PCDHGA9: variants seen among roughly 807,000 people sequenced by gnomAD.
The protein encoded by PCDHGA9 is protocadherin gamma subfamily A, 9.
PCDHGA9 carries 37 observed loss-of-function variants against 62.5 expected under a neutral mutation model. That is an observed-to-expected ratio of 0.59 (90% CI 0.46 to 0.78). The LOEUF (loss-of-function observed/expected upper bound fraction) is 0.78. Ranked by LOEUF, PCDHGA9 falls within the 30% of genes least tolerant of loss-of-function variation. The probability of loss-of-function intolerance (pLI) is 0.00; values close to 1 mark genes in which losing one functional copy is unlikely to be tolerated. For missense variants in PCDHGA9, 1,138 were observed against 1,166.2 expected (o/e 0.98, Z 0.35); for synonymous variants, 459 against 484.6 (o/e 0.95, Z 0.69).
chr5:141,485,065 A>G lies in PCDHGA9; in HGVS notation c.2425-9742A>G, dbSNP rs527439590. On this transcript the variant is annotated intron_variant, in intron 1 of 3. Transcript: ENST00000573521. The surrounding 1 kb of genome is among the most constrained non-coding windows in gnomAD (Gnocchi z 5.7). ...TGCGGCGCCGGCCGAACCGCGCCAG[A>G]GCTGGCGCGGGGAAAGGGAGATAGG... The G allele has an allele frequency of 4.2e-5, 37 of 877,696 alleles. No individual in the cohort carries two copies. Among genetic ancestry groups the G allele is most frequent in the Non-Finnish European group, 6.5e-5 (36 of 552,826 alleles). The allele number at this position is 877,696 out of a possible 1,614,324, so 54.4% of individuals were successfully genotyped here. A position where few individuals can be genotyped will look rare whatever the true frequency, so the allele number is the denominator to read the frequency against.
Position 141,491,508 on chromosome 5 carries a change from G to A in PCDHGA9, c.2425-3299G>A. The A allele has an allele frequency of 6.2e-7, 1 of 1,614,030 alleles. No individual in the cohort carries two copies. The highest frequency in any genetic ancestry group is 8.5e-7 in the Non-Finnish European group (1 of 1,180,014). The stretch of plus-strand genomic sequence containing the variant: ...ACCTGCAGGTGAGCTCGGACGGCAC[G>A]CTCAAGTACATGGAGGTGACGCTGC... On this transcript the variant is annotated intron_variant, in intron 1 of 3. Transcript: ENST00000573521. This position sits in a 1 kb window ranked among gnomAD's most constrained non-coding sequence, Gnocchi z 6.9.
At chr5:141,419,877 C>T in intron 1 of PCDHGA9, 3 of 1,614,062 alleles carry the variant, frequency 1.9e-6, no homozygotes, top group Non-Finnish European at 8.5e-7. Flanking sequence ...GAGGTACTGC[C>T]GGATTTCAGC....
chr5:141,487,921 A>G lies in PCDHGA9; in HGVS notation c.2425-6886A>G, dbSNP rs17097340. On this transcript the variant is annotated intron_variant, in intron 1 of 3. Coordinates refer to ENST00000573521, the MANE Select transcript of PCDHGA9 (RefSeq NM_018921.3). This position sits in a 1 kb window ranked among gnomAD's most constrained non-coding sequence, Gnocchi z 5.0. ...GGAATGTGGGAGCACAGGAGGCTAC[A>G]GTGCACAGGGTACAGTGCACCAGGC... 0.15 allele frequency: 93,556 copies of G among 639,124 alleles called. 7,160 individuals carry two copies. The highest frequency in any genetic ancestry group is 0.21 in the African/African-American group (11,270 of 54,532). 39.6% of individuals were successfully genotyped at this position (639,124 alleles called of 1,614,324 possible).
At chr5:141,461,170 G>T (rs1347666737) in intron 1 of PCDHGA9, among the ~76,000 whole-genome samples, 1 of 152,052 alleles carries the variant, frequency 6.6e-6, no homozygotes. Context: ...GGGATTGCTG[G>T]ATTGAATGGT....
intron 2 of PCDHGA9, among the ~76,000 whole-genome samples, chr5:141,503,458 G>A (rs948221006): frequency 2.0e-5 from 3 of 152,018 alleles, no homozygotes; most frequent in Non-Finnish European, 4.4e-5. Flanking sequence ...CGCTGGGCAT[G>A]GTGGCATGTG....
At chr5:141,433,363 CTA>C (rs2097590674) in intron 1 of PCDHGA9, 2 of 463,314 alleles carry the variant, frequency 4.3e-6, no homozygotes, top group African/African-American at 5.6e-5. Flanking sequence ...GTCTGCCTAT[CTA>C]TCTATCTATC....
At chr5:141,418,904 A>C (rs2096300166) in intron 1 of PCDHGA9, 1 of 1,613,998 alleles carries the variant, frequency 6.2e-7, no homozygotes, top group Admixed American at 1.7e-5. Context: ...AGAAATAATC[A>C]TCACGTCACT....
In PCDHGA9 at chr5:141,489,584, A is replaced by G. The variant is rs775720718; in HGVS notation, c.2425-5223A>G. Reference sequence around the variant, plus strand: ...CAGGTGGTGACTGAACACCCCCTGGAGCTAATCCGTGTAGAGGTAGAGATC... The same window carrying G: ...CAGGTGGTGACTGAACACCCCCTGGGGCTAATCCGTGTAGAGGTAGAGATC... On this transcript the variant is annotated intron_variant, in intron 1 of 3. Coordinates refer to ENST00000573521, the MANE Select transcript of PCDHGA9 (RefSeq NM_018921.3). The surrounding 1 kb of genome is among the most constrained non-coding windows in gnomAD (Gnocchi z 4.5). The G allele has an allele frequency of 6.2e-7, 1 of 1,614,054 alleles. No homozygotes were observed. Among genetic ancestry groups the G allele is most frequent in the South Asian group, 1.1e-5 (1 of 91,078 alleles).
intron 1 of PCDHGA9, among the ~76,000 whole-genome samples, chr5:141,454,607 T>C (rs1207742002): frequency 6.6e-6 from 1 of 151,574 alleles, no homozygotes; most frequent in Non-Finnish European, 1.5e-5. Flanking sequence ...GGTTTCTCCA[T>C]GTTGGTCAGG....
chr5:141,409,903 G>A (rs570063514), intron 1 of PCDHGA9: 1 of 1,613,268 alleles, frequency 6.2e-7, no homozygotes, highest in Non-Finnish European at 8.5e-7. Flanking sequence ...ACCCAGCTCT[G>A]GGTCCTGACG....
chr5:141,409,872 A>G (rs1283725014), intron 1 of PCDHGA9: 1 of 1,612,710 alleles, frequency 6.2e-7, no homozygotes, highest in Non-Finnish European at 8.5e-7. Flanking sequence ...GACCGCAATG[A>G]CAACGCACCG....
chr5:141,423,325 G>A lies in PCDHGA9; in HGVS notation c.2424+17949G>A, dbSNP rs201044967. ...GCTGTACTTGGTGGTGGCGGTGGCCGCAGTCTCCTGCATCTTCCTGGTCTT... is the reference window on the plus strand; with the variant it reads ...GCTGTACTTGGTGGTGGCGGTGGCCACAGTCTCCTGCATCTTCCTGGTCTT... On this transcript the variant is annotated intron_variant, in intron 1 of 3. Coordinates refer to ENST00000573521, the MANE Select transcript of PCDHGA9 (RefSeq NM_018921.3). 133 of 1,614,016 alleles carry A rather than the reference G, an allele frequency of 8.2e-5. No individual in the cohort carries two copies. Among genetic ancestry groups the A allele is most frequent in the Non-Finnish European group, 4.1e-5 (48 of 1,180,008 alleles).
chr5:141,491,233 G>T lies in PCDHGA9; in HGVS notation c.2425-3574G>T. 1 of 1,614,224 alleles carries T rather than the reference G, an allele frequency of 6.2e-7. No homozygotes were observed. The highest frequency in any genetic ancestry group is 2.2e-5 in the East Asian group (1 of 44,890). On this transcript the variant is annotated intron_variant, in intron 1 of 3. Transcript: ENST00000573521. The surrounding 1 kb of genome is among the most constrained non-coding windows in gnomAD (Gnocchi z 6.9). ...CTCCTCCACAGCCACAGTGCTGCTG[G>T]TTCTGGAGGATGAGGACCCTGAGGA...
rs2099605934 is a variant in PCDHGA9, at chr5:141,485,057, C to G, written c.2425-9750C>G. On this transcript the variant is annotated intron_variant, in intron 1 of 3. Transcript: ENST00000573521. The surrounding 1 kb of genome is among the most constrained non-coding windows in gnomAD (Gnocchi z 5.7). ...GTAACCCTTGCGGCGCCGGCCGAAC[C>G]GCGCCAGAGCTGGCGCGGGGAAAGG... The G allele has an allele frequency of 1.2e-6, 1 of 843,720 alleles. No homozygotes were observed. Among genetic ancestry groups the G allele is most frequent in the Non-Finnish European group, 1.9e-6 (1 of 524,586 alleles). 52.3% of individuals were successfully genotyped at this position (843,720 alleles called of 1,614,324 possible).
chr5:141,492,384 C>G (rs1001189412), intron 1 of PCDHGA9, among the ~76,000 whole-genome samples: 1 of 152,230 alleles, frequency 6.6e-6, no homozygotes, highest in Non-Finnish European at 1.5e-5. Context: ...AGGCCTGTTC[C>G]GGTCCACTCG....
chr5:141,509,550 T>C (rs1562240751), intron 3 of PCDHGA9, among the ~76,000 whole-genome samples: 1 of 152,142 alleles, frequency 6.6e-6, no homozygotes, highest in Non-Finnish European at 1.5e-5. Flanking sequence ...TCTCATTTAG[T>C]CCTCACAGCA....
chr5:141,490,317 C>A lies in PCDHGA9; in HGVS notation c.2425-4490C>A, dbSNP rs2233604. ...TATTGGCCTCTTTGGCCAACCCTGT[C>A]CTAGAGAGCACACCAGTGGGCACAG... On this transcript the variant is annotated intron_variant, in intron 1 of 3. Coordinates refer to ENST00000573521, the MANE Select transcript of PCDHGA9 (RefSeq NM_018921.3). The surrounding 1 kb of genome is among the most constrained non-coding windows in gnomAD (Gnocchi z 5.4). 32,069 of 1,614,158 alleles carry A rather than the reference C, an allele frequency of 0.02. 521 individuals carry two copies. Among genetic ancestry groups the A allele is most frequent in the African/African-American group, 0.081 (6,098 of 75,022 alleles).
At position 141,431,897 on chromosome 5, in the gene PCDHGA9, G is replaced by C. The variant is rs1591112104; in HGVS notation, c.2424+26521G>C. 6.2e-7 allele frequency: 1 copy of C among 1,613,830 alleles called. No homozygotes were observed. The highest frequency in any genetic ancestry group is 8.5e-7 in the Non-Finnish European group (1 of 1,179,704). ...AAATGACCAAGATTCTGAGGAAAAC[G>C]GACAGGTGATCTGTTTCATCCAAGG... On this transcript the variant is annotated intron_variant, in intron 1 of 3. Coordinates refer to ENST00000573521, the MANE Select transcript of PCDHGA9 (RefSeq NM_018921.3). The surrounding 1 kb of genome is among the most constrained non-coding windows in gnomAD (Gnocchi z 4.8).
intron 1 of PCDHGA9, among the ~76,000 whole-genome samples, chr5:141,453,217 G>A (rs770914741): frequency 1.2e-4 from 19 of 152,100 alleles, no homozygotes; most frequent in Admixed American, 1.0e-3. Context: ...GCACTTAAGC[G>A]ATCCTCCCAC....
Sources: gnomAD v4.1 joint callset for allele counts (sites outside exome capture counted in the v4.1 genomes callset) on GRCh38, gnomAD v4.1.1 for gene constraint, Gnocchi (gnomAD v3.1) non-coding constraint, MANE v1.5 for transcripts, NCBI Gene and HGNC (gene_info 2026-07-23, HGNC 2026-07-21) for gene names.